Variants in SS18 observed in about 807,000 individuals in gnomAD.
SS18 encodes SS18 subunit of BAF chromatin remodeling complex.
A neutral mutation model predicts 72.5 loss-of-function variants in SS18; 28 were observed. That is an observed-to-expected ratio of 0.39 (90% CI 0.29 to 0.53). The LOEUF (loss-of-function observed/expected upper bound fraction) is 0.53. SS18 is among the 20% of genes least tolerant of loss of function. The pLI is 0.76. For synonymous variants in SS18, 172 were observed against 164.2 expected (o/e 1.05, Z -0.37); for missense variants, 518 against 535.3 (o/e 0.97, Z 0.32).
chr18:26,029,611 A>G (rs761443083), intron 10 of SS18, among the ~76,000 whole-genome samples: 8 of 152,190 alleles, frequency 5.3e-5, no homozygotes, highest in Non-Finnish European at 1.2e-4. Flanking sequence ...GAACAGGAAG[A>G]ATGGAACCAC....
rs1380615813 is a variant in SS18, at chr18:26,060,426, T to C, written c.232-2684A>G. Among the ~76,000 whole-genome samples, 3 of 152,138 alleles carry C rather than the reference T, an allele frequency of 2.0e-5. No homozygotes were observed. The East Asian group carries it at 5.8e-4, about 29-fold the overall frequency. On this transcript the variant is annotated intron_variant, in intron 3 of 10. Transcript: ENST00000415083. ...GAATTGAGATTGACTGCCAACAGTT[T>C]TCACTTTATTAGGGTAGTGAAAACA...
chr18:26,061,319 T>A (rs1483630263), intron 3 of SS18, among the ~76,000 whole-genome samples: 4 of 135,694 alleles, frequency 2.9e-5, no homozygotes, highest in South Asian at 2.1e-4. Context: ...TCTCAAAAAA[T>A]AAATAAATAA....
intron 3 of SS18, among the ~76,000 whole-genome samples, chr18:26,058,279 C>T (rs183921326): frequency 1.3e-4 from 20 of 152,304 alleles, no homozygotes; most frequent in African/African-American, 4.8e-4. Flanking sequence ...TACTGATGGC[C>T]TCCAAGGGTA....
chr18:26,035,033 T>G lies in SS18; in HGVS notation c.1068A>C (p.Gln356His). The change falls in exon 9 of 11, where the codon CAA becomes CAC. Residue 356 changes from glutamine (Q) to histidine (H), a missense_variant. Transcript: ENST00000415083. This position sits in a 1 kb window ranked among gnomAD's most constrained non-coding sequence, Gnocchi z 4.4. ...AGCCCTGCTGCTGTCCTGGGTAACC[T>G]TGCTGCCCTGGGTACTGCTGCTGCT... Reference protein sequence around the residue: ...PPQQQQYPGQQGYPGQQQGYG... With the variant: ...PPQQQQYPGQHGYPGQQQGYG... 6.2e-7 allele frequency: 1 copy of G among 1,613,492 alleles called. No individual in the cohort carries two copies.
intron 1 of SS18, chr18:26,090,257 C>A (rs1242128149): frequency 1.9e-5 from 10 of 536,128 alleles, no homozygotes; most frequent in Non-Finnish European, 2.6e-5. Context: ...CAGGCGGCGG[C>A]TGTTTGGGCT....
At chr18:26,047,989 C>A (rs932146648) in intron 5 of SS18, among the ~76,000 whole-genome samples, 9 of 152,190 alleles carry the variant, frequency 5.9e-5, no homozygotes, top group Non-Finnish European at 1.3e-4. Flanking sequence ...GAATATATGA[C>A]ATGAACAGGC....
rs189771081 is a variant in SS18 at position 26,033,837 on chromosome 18, C to T, written c.1096+1168G>A. 6.0e-3 allele frequency among the ~76,000 whole-genome samples: 898 copies of T among 148,704 alleles called. 2 individuals are homozygous for T. The highest frequency in any genetic ancestry group is 8.5e-3 in the Non-Finnish European group (576 of 68,006). ...AAAATTAAGCTTTCTTTCACCCTCTCTTACCATTGAAGGTATTTATCTTAA... is the reference window on the plus strand; with the variant it reads ...AAAATTAAGCTTTCTTTCACCCTCTTTTACCATTGAAGGTATTTATCTTAA... On this transcript the variant is annotated intron_variant, in intron 9 of 10. Coordinates refer to ENST00000415083, the MANE Select transcript of SS18 (RefSeq NM_001007559.3).
At chr18:26,027,615 T>C (rs900776197) in intron 10 of SS18, among the ~76,000 whole-genome samples, 2 of 133,480 alleles carry the variant, frequency 1.5e-5, no homozygotes, top group Non-Finnish European at 3.1e-5. Context: ...GTGGTTGCAG[T>C]GAGCTGAGAT....
At chr18:26,054,122 A>G (rs1392110555) in intron 4 of SS18, among the ~76,000 whole-genome samples, 1 of 152,196 alleles carries the variant, frequency 6.6e-6, no homozygotes, top group Non-Finnish European at 1.5e-5. Flanking sequence ...AACACAATGT[A>G]AATGCTATGT....
intron 4 of SS18, among the ~76,000 whole-genome samples, chr18:26,056,307 A>G (rs1405315153): frequency 6.6e-6 from 1 of 152,202 alleles, no homozygotes; most frequent in Non-Finnish European, 1.5e-5. Context: ...AAAACTCCTA[A>G]CTAGCTAACC....
intron 4 of SS18, among the ~76,000 whole-genome samples, chr18:26,055,474 A>T (rs1394684326): frequency 6.6e-6 from 1 of 152,060 alleles, no homozygotes; most frequent in East Asian, 1.9e-4. Context: ...TCTCAAAAAG[A>T]AAAAAATAGT....
At position 26,074,311 on chromosome 18, in the gene SS18, T is replaced by TAA. The variant is rs199933029; in HGVS notation, c.231+3763_231+3764dup. On this transcript the variant is annotated intron_variant, in intron 3 of 10. Coordinates refer to ENST00000415083, the MANE Select transcript of SS18 (RefSeq NM_001007559.3). ...TAAGATTCCACACCACAACTAACCTTAAAAAAAAAAAAAAACTTACTGAGT... is the reference window on the plus strand; with the variant it reads ...TAAGATTCCACACCACAACTAACCTTAAAAAAAAAAAAAAAAACTTACTGAGT... Among the ~76,000 whole-genome samples the TAA allele has an allele frequency of 4.5e-4, 62 of 137,826 alleles. No homozygotes were observed. The South Asian group carries it at 5.7e-3, about 13-fold the overall frequency. 90.4% of individuals were successfully genotyped at this position (137,826 alleles called of 152,430 possible). A position where few individuals can be genotyped will look rare whatever the true frequency, so the allele number is the denominator to read the frequency against.
At chr18:26,024,580 G>C (rs933198968) in intron 10 of SS18, among the ~76,000 whole-genome samples, 1 of 152,156 alleles carries the variant, frequency 6.6e-6, no homozygotes, top group African/African-American at 2.4e-5. Context: ...GCTTCCCAAA[G>C]TGCTGTAATT....
intron 5 of SS18, among the ~76,000 whole-genome samples, chr18:26,043,904 A>C (rs1262167404): frequency 6.6e-6 from 1 of 152,232 alleles, no homozygotes; most frequent in Non-Finnish European, 1.5e-5. Context: ...AAAAGTTTTA[A>C]AAGGTATTAA....
intron 2 of SS18, 119 bp downstream of exon 2, chr18:26,087,382 C>A (rs1005231625): frequency 7.7e-6 from 5 of 651,866 alleles, no homozygotes; most frequent in African/African-American, 7.6e-5. Context: ...GAATTGTACA[C>A]ATTAAAATAG....
At chr18:26,065,800 C>CATATATATATATCTATATATATAT (rs2054202584) in intron 3 of SS18, among the ~76,000 whole-genome samples, 1 of 55,578 alleles carries the variant, frequency 1.8e-5, no homozygotes, top group African/African-American at 4.8e-5. Flanking sequence ...CCTACAAATC[C>CATATATATATATCTATATATATAT]ATATATATAT....
Position 26,035,658 on chromosome 18 carries a change from T to A in SS18, c.973+173A>T. 2.4e-6 allele frequency: 1 copy of A among 421,840 alleles called. No individual in the cohort carries two copies. Among genetic ancestry groups the A allele is most frequent in the African/African-American group, 2.0e-5 (1 of 49,096 alleles). 26.1% of individuals were successfully genotyped at this position (421,840 alleles called of 1,614,324 possible). A position where few individuals can be genotyped will look rare whatever the true frequency, so the allele number is the denominator to read the frequency against. On this transcript the variant is annotated intron_variant, in intron 8 of 10. Coordinates refer to ENST00000415083, the MANE Select transcript of SS18 (RefSeq NM_001007559.3). This position sits in a 1 kb window ranked among gnomAD's most constrained non-coding sequence, Gnocchi z 4.4. ...AATGGCAAGTCATGGTTATACATTT[T>A]AAATATTTGTAAGGAAATTATTTTG... is the stretch of plus-strand genomic sequence containing the variant.
intron 9 of SS18, among the ~76,000 whole-genome samples, chr18:26,033,567 G>A (rs926623116): frequency 1.3e-4 from 19 of 150,372 alleles, no homozygotes; most frequent in East Asian, 9.7e-4. Flanking sequence ...GTTTTCTATC[G>A]TAGCCATTCA....
At chr18:26,027,703 A>AAAAAAAAAAAAGAC (rs1555643837) in intron 10 of SS18, among the ~76,000 whole-genome samples, 1 of 124,698 alleles carries the variant, frequency 8.0e-6, no homozygotes. Context: ...AAAAAAAAAA[A>AAAAAAAAAAAAGAC]AGTCTTTTCA....
Sources: allele counts gnomAD v4.1 joint callset (sites outside exome capture counted in the v4.1 genomes callset), GRCh38; gene constraint gnomAD v4.1.1; non-coding constraint Gnocchi (gnomAD v3.1); transcripts MANE v1.5; gene names NCBI Gene and HGNC (gene_info 2026-07-23, HGNC 2026-07-21).